The following LDLRAD4 variants were observed in gnomAD, a reference collection of about 807,000 sequenced individuals.
LDLRAD4 encodes the protein low density lipoprotein receptor class A domain containing 4.
Under a neutral mutation model 17.0 loss-of-function variants are expected in LDLRAD4, and 5 were observed. The ratio of observed to expected loss-of-function variants is 0.29; its 90% CI spans 0.15 to 0.62. The LOEUF is 0.62. Among genes scored for constraint, LDLRAD4 ranks in the 20% least tolerant of loss-of-function variants. The probability of loss-of-function intolerance (pLI) is 0.84; values close to 1 mark genes in which losing one functional copy is unlikely to be tolerated. For synonymous variants in LDLRAD4, 168 were observed against 171.8 expected (o/e 0.98, Z 0.17); for missense variants, 340 against 424.7 (o/e 0.80, Z 1.75).
At chr18:13,277,673 G>A (rs1358234834), upstream of LDLRAD4, among the ~76,000 whole-genome samples, 1 of 152,236 alleles carries the variant, frequency 6.6e-6, no homozygotes, top group Non-Finnish European at 1.5e-5. Context: ...CCCGTCTTAG[G>A]TGGGCCCATG....
chr18:13,348,553 C>G (rs2082841179), intron 1 of LDLRAD4, among the ~76,000 whole-genome samples: 1 of 152,190 alleles, frequency 6.6e-6, no homozygotes, highest in Non-Finnish European at 1.5e-5. Flanking sequence ...TGTCCATTCT[C>G]AGATCTCAAG....
intron 3 of LDLRAD4, chr18:13,487,167 A>T (rs965020643): frequency 6.6e-6 from 1 of 152,204 alleles, no homozygotes; most frequent in African/African-American, 2.4e-5. Context: ...CCCAACCATG[A>T]TCCAGTTCAG....
Position 13,628,977 on chromosome 18 carries a change from C to T in LDLRAD4, c.336+7706C>T, listed in dbSNP as rs374345686. 1.4e-4 allele frequency among the ~76,000 whole-genome samples: 21 copies of T among 152,276 alleles called. No homozygotes were observed. In the South Asian group the frequency reaches 1.7e-3, roughly 12 times the overall value. The stretch of plus-strand genomic sequence containing the variant: ...TCCTGCGTAGCTGTGACTATAGGCA[C>T]GCGCAACCATGCCTGGCTAATTTTT... On this transcript the variant is annotated intron_variant, in intron 4 of 5. Coordinates refer to ENST00000359446, the Ensembl canonical transcript of LDLRAD4.
chr18:13,350,171 G>T (rs1358381509), intron 1 of LDLRAD4, among the ~76,000 whole-genome samples: 1 of 152,122 alleles, frequency 6.6e-6, no homozygotes. Flanking sequence ...GGGTCAAATG[G>T]TATTTCTGGT....
At chr18:13,507,599 A>G (rs566070380) in intron 3 of LDLRAD4, among the ~76,000 whole-genome samples, 13 of 152,254 alleles carry the variant, frequency 8.5e-5, no homozygotes, top group East Asian at 5.8e-4. Context: ...TATCTTTGCA[A>G]TTGTGAATTG....
chr18:13,349,455 T>C (rs1327719559), intron 1 of LDLRAD4, among the ~76,000 whole-genome samples: 2 of 152,194 alleles, frequency 1.3e-5, no homozygotes, highest in Non-Finnish European at 2.9e-5. Flanking sequence ...TATTTGTCCA[T>C]GTATTTACCT....
chr18:13,218,705 T>C (rs2041280282), upstream of LDLRAD4: 1 of 151,804 alleles, frequency 6.6e-6, no homozygotes, highest in South Asian at 2.1e-4. Context: ...CCCGCGCGCG[T>C]TGACGTCGGT....
chr18:13,450,319 T>C (rs1036441604), intron 3 of LDLRAD4, among the ~76,000 whole-genome samples: 857 of 44,892 alleles, frequency 0.019, no homozygotes, highest in Admixed American at 0.024. Context: ...TTAGCTTCTC[T>C]CCCCCCACCC....
intron 1 of LDLRAD4, among the ~76,000 whole-genome samples, chr18:13,322,384 C>T (rs1458334204): frequency 6.7e-6 from 1 of 148,492 alleles, no homozygotes. Flanking sequence ...ACTGCAACCT[C>T]CACCTCCCGG....
intron 2 of LDLRAD4, among the ~76,000 whole-genome samples, chr18:13,422,760 ATC>A (rs1384403951): frequency 6.6e-6 from 1 of 152,238 alleles, no homozygotes; most frequent in African/African-American, 2.4e-5. Context: ...CTTTCTGTTT[ATC>A]TCTCTGCATA....
intron 3 of LDLRAD4, among the ~76,000 whole-genome samples, chr18:13,493,975 T>C (rs2093410287): frequency 6.6e-6 from 1 of 152,214 alleles, no homozygotes; most frequent in Admixed American, 6.5e-5. Flanking sequence ...GGTCCAGGCA[T>C]GGTGACGCGG....
upstream of LDLRAD4, chr18:13,218,644 C>G (rs2041276406): frequency 6.6e-6 from 1 of 152,202 alleles, no homozygotes; most frequent in South Asian, 2.1e-4. Flanking sequence ...ACCGCGCGCT[C>G]CCCGGCCCCG....
intron 1 of LDLRAD4, among the ~76,000 whole-genome samples, chr18:13,307,250 G>A (rs766009088): frequency 1.3e-5 from 2 of 152,024 alleles, no homozygotes; most frequent in African/African-American, 4.8e-5. Context: ...CTCCTTCATC[G>A]CTTCTGTCTC....
intron 3 of LDLRAD4, among the ~76,000 whole-genome samples, chr18:13,531,867 G>A (rs1312785031): frequency 1.3e-5 from 2 of 152,178 alleles, no homozygotes; most frequent in Non-Finnish European, 2.9e-5. Context: ...TATGCAGGAG[G>A]CTGCGCTGAG....
chr18:13,441,742 C>T lies in LDLRAD4; in HGVS notation c.181+3358C>T, dbSNP rs2091035020. On this transcript the variant is annotated intron_variant, in intron 3 of 5. Transcript: ENST00000359446. Reference sequence around the variant, plus strand: ...TTGTAAAGCCAGCAATACTAAGAATCACAGAAGCTCTGAAAGTTGCTCTAA... The same window carrying T: ...TTGTAAAGCCAGCAATACTAAGAATTACAGAAGCTCTGAAAGTTGCTCTAA... Among the ~76,000 whole-genome samples the T allele has an allele frequency of 2.6e-5, 4 of 152,220 alleles. No individual in the cohort carries two copies. The South Asian group carries it at 8.3e-4, about 32-fold the overall frequency.
intron 3 of LDLRAD4, among the ~76,000 whole-genome samples, chr18:13,576,457 G>GAAAT (rs59803676): frequency 5.4e-5 from 8 of 147,472 alleles, no homozygotes; most frequent in African/African-American, 2.0e-4. Context: ...AAGAAAGAAA[G>GAAAT]AAATAAAGTG....
At chr18:13,644,243 G>C (rs144754589) in intron 5 of LDLRAD4, among the ~76,000 whole-genome samples, 1 of 151,948 alleles carries the variant, frequency 6.6e-6, no homozygotes, top group Non-Finnish European at 1.5e-5. Flanking sequence ...TCTGCTCCAC[G>C]TACCACTGTG....
At chr18:13,400,563 G>C (rs1291958439) in intron 2 of LDLRAD4, among the ~76,000 whole-genome samples, 5 of 152,200 alleles carry the variant, frequency 3.3e-5, no homozygotes, top group Admixed American at 2.6e-4. Flanking sequence ...CGTGGTGATG[G>C]GGAGGAGACG....
At chr18:13,419,506 C>G (rs1171432989) in intron 2 of LDLRAD4, 1 of 152,166 alleles carries the variant, frequency 6.6e-6, no homozygotes, top group South Asian at 2.1e-4. Context: ...ATCTGAGAGT[C>G]TTTTAAGTTC....
Sources: allele counts gnomAD v4.1 joint callset (sites outside exome capture counted in the v4.1 genomes callset), GRCh38; gene constraint gnomAD v4.1.1; transcripts MANE v1.5; gene names NCBI Gene and HGNC (gene_info 2026-07-23, HGNC 2026-07-21).